PRKN: variants seen among roughly 807,000 people sequenced by gnomAD.
PRKN encodes the protein E3 ubiquitin-protein ligase parkin.
PRKN carries 56 observed loss-of-function variants against 59.5 expected under a neutral mutation model. That is an observed-to-expected ratio of 0.94 (90% CI 0.76 to 1.18). PRKN has a LOEUF of 1.18. PRKN is among the 50% of genes most tolerant of loss of function. PRKN has a pLI of 0.00. For synonymous variants in PRKN, 250 were observed against 222.1 expected, an observed-to-expected ratio of 1.13 and a Z score of -1.12; for missense variants, 657 against 596.4, an observed-to-expected ratio of 1.10 and a Z score of -1.06.
chr6:162,559,441 T>C (rs1035521313), intron 1 of PRKN, among the ~76,000 whole-genome samples: 1 of 152,036 alleles, frequency 6.6e-6, no homozygotes, highest in African/African-American at 2.4e-5. Context: ...AACTGACATA[T>C]AGGAAGACAG....
At chr6:162,727,554 G>T in intron 1 of PRKN, 108 bp downstream of exon 1, 1 of 1,242,084 alleles carries the variant, frequency 8.1e-7, no homozygotes, top group Non-Finnish European at 1.1e-6. Context: ...CTTTGGCCCC[G>T]TCATTGACAG....
At chr6:162,411,793 G>A (rs904258915) in intron 2 of PRKN, among the ~76,000 whole-genome samples, 3 of 151,950 alleles carry the variant, frequency 2.0e-5, no homozygotes, top group Non-Finnish European at 4.4e-5. Context: ...AAGGGCCACC[G>A]TCTTTTTCCT....
rs1789384275 is a variant in PRKN at position 161,444,208 on chromosome 6, G to A, written c.1084-57331C>T. ...CCATCCCAGGGCAGCTTCATGGGAT[G>A]GGCCTGGCTGAGTGAGCTTCCTAAG... On this transcript the variant is annotated intron_variant, in intron 9 of 11. Coordinates refer to ENST00000366898, the MANE Select transcript of PRKN (RefSeq NM_004562.3). The surrounding 1 kb of genome is among the most constrained non-coding windows in gnomAD (Gnocchi z 5.6). Among the ~76,000 whole-genome samples the A allele has an allele frequency of 6.6e-6, 1 of 152,186 alleles. No individual in the cohort carries two copies. The highest frequency in any genetic ancestry group is 1.5e-5 in the Non-Finnish European group (1 of 68,024).
intron 1 of PRKN, among the ~76,000 whole-genome samples, chr6:162,475,094 A>T: frequency 6.6e-6 from 1 of 152,202 alleles, no homozygotes; most frequent in East Asian, 1.9e-4. Flanking sequence ...GCCACTTTTT[A>T]TCAGCAATAT....
In PRKN at chr6:161,390,924, A is replaced by G. The variant is rs1786477194; in HGVS notation, c.1084-4047T>C. 6.6e-6 allele frequency among the ~76,000 whole-genome samples: 1 copy of G among 152,152 alleles called. No homozygotes were observed. Among genetic ancestry groups the G allele is most frequent in the Admixed American group, 6.5e-5 (1 of 15,276 alleles). On this transcript the variant is annotated intron_variant, in intron 9 of 11. Coordinates refer to ENST00000366898, the MANE Select transcript of PRKN (RefSeq NM_004562.3). This position sits in a 1 kb window ranked among gnomAD's most constrained non-coding sequence, Gnocchi z 7.0. ...ACGTGGTACAAAACCTTTCATAACC[A>G]CAACTGTTAGGCATTTCTTTTGGCC...
chr6:161,703,329 A>G (rs1786332867), intron 7 of PRKN, among the ~76,000 whole-genome samples: 2 of 152,216 alleles, frequency 1.3e-5, no homozygotes, highest in South Asian at 2.1e-4. Flanking sequence ...AGGATAAAAC[A>G]GACATTTTGC....
chr6:162,147,731 T>C (rs1483541577), intron 4 of PRKN, among the ~76,000 whole-genome samples: 2 of 152,164 alleles, frequency 1.3e-5, no homozygotes, highest in African/African-American at 4.8e-5. Flanking sequence ...TTTAAAGTCA[T>C]ACTCTTAAAA....
At chr6:161,510,120 A>T (rs970869495) in intron 9 of PRKN, among the ~76,000 whole-genome samples, 4 of 152,172 alleles carry the variant, frequency 2.6e-5, no homozygotes, top group African/African-American at 4.8e-5. Flanking sequence ...CATGTTCTTT[A>T]CACATGAACA....
At chr6:161,865,969 G>C (rs1278679664) in intron 6 of PRKN, among the ~76,000 whole-genome samples, 1 of 152,136 alleles carries the variant, frequency 6.6e-6, no homozygotes, top group Non-Finnish European at 1.5e-5. Context: ...TCTAACTTCT[G>C]ATTTGAAGTA....
chr6:162,068,538 A>C (rs1268176956), intron 4 of PRKN, among the ~76,000 whole-genome samples: 1 of 152,174 alleles, frequency 6.6e-6, no homozygotes, highest in Non-Finnish European at 1.5e-5. Flanking sequence ...TGTTGGCAGA[A>C]TTAACTTCCT....
In PRKN at chr6:161,882,671, C is replaced by T. The variant is rs368614378; in HGVS notation, c.734+90631G>A. ...GTTTCCTCTCATTTCCATATCAAAG[C>T]AAAATGATGTGAAGATGGATGAAGA... On this transcript the variant is annotated intron_variant, in intron 6 of 11. Transcript: ENST00000366898. Among the ~76,000 whole-genome samples, 8 of 152,208 alleles carry T rather than the reference C, an allele frequency of 5.3e-5. No individual in the cohort carries two copies. The East Asian group carries it at 1.2e-3, about 22-fold the overall frequency.
At chr6:162,516,895 T>TA (rs1777885865) in intron 1 of PRKN, among the ~76,000 whole-genome samples, 2 of 152,152 alleles carry the variant, frequency 1.3e-5, no homozygotes, top group South Asian at 4.1e-4. Flanking sequence ...GCATAGTAGT[T>TA]AAAGAAATTG....
intron 2 of PRKN, among the ~76,000 whole-genome samples, chr6:162,362,878 CA>C (rs1785217387): frequency 6.6e-6 from 1 of 151,770 alleles, no homozygotes; most frequent in Admixed American, 6.6e-5. Flanking sequence ...CCTGTAATCT[CA>C]ACGCTTTGGG....
chr6:162,672,008 G>A (rs1004386857), intron 1 of PRKN, among the ~76,000 whole-genome samples: 1 of 151,962 alleles, frequency 6.6e-6, no homozygotes, highest in Admixed American at 6.6e-5. Flanking sequence ...TGGTGCCCAT[G>A]AAGTAAAGTG....
rs886933566 is a variant in PRKN, at chr6:161,386,033, A to G, written c.1167+761T>C. Among the ~76,000 whole-genome samples the G allele has an allele frequency of 2.0e-5, 3 of 152,220 alleles. No homozygotes were observed. Among genetic ancestry groups the G allele is most frequent in the African/African-American group, 7.2e-5 (3 of 41,450 alleles). ...GATCTTTAACATTCTCTATTGTAAA[A>G]TCAAAATATTCTGGGATTTCTATGT... On this transcript the variant is annotated intron_variant, in intron 10 of 11. Coordinates refer to ENST00000366898, the MANE Select transcript of PRKN (RefSeq NM_004562.3). The surrounding 1 kb of genome is among the most constrained non-coding windows in gnomAD (Gnocchi z 4.3).
At chr6:161,366,982 CTTTTTTTTTTTT>C (rs57164972) in intron 10 of PRKN, among the ~76,000 whole-genome samples, 13 of 91,970 alleles carry the variant, frequency 1.4e-4, no homozygotes, top group East Asian at 3.3e-4. Context: ...TTTTTGTTTC[CTTTTTTTTTTTT>C]TTTTTTTTTT....
chr6:162,636,228 GT>G (rs1226751535), intron 1 of PRKN, among the ~76,000 whole-genome samples: 5 of 145,236 alleles, frequency 3.4e-5, no homozygotes, highest in Admixed American at 7.1e-5. Flanking sequence ...CAATACATTT[GT>G]TTTTTCTTTT....
At chr6:161,512,136 A>C (rs1256072699) in intron 9 of PRKN, among the ~76,000 whole-genome samples, 2 of 152,352 alleles carry the variant, frequency 1.3e-5, no homozygotes, top group East Asian at 3.9e-4. Context: ...CTGAAAATGG[A>C]AAGAGGTCTA....
chr6:162,584,297 T>C (rs1394023309), intron 1 of PRKN, among the ~76,000 whole-genome samples: 7 of 150,522 alleles, frequency 4.7e-5, no homozygotes, highest in Non-Finnish European at 7.4e-5. Context: ...ACAGAGAACA[T>C]AGAACACTGT....
Sources: gnomAD v4.1 joint callset for allele counts (sites outside exome capture counted in the v4.1 genomes callset) on GRCh38, gnomAD v4.1.1 for gene constraint, Gnocchi (gnomAD v3.1) non-coding constraint, MANE v1.5 for transcripts, NCBI Gene and HGNC (gene_info 2026-07-23, HGNC 2026-07-21) for gene names.